NFAT5: variants seen among roughly 807,000 people sequenced by gnomAD.
The protein encoded by NFAT5 is nuclear factor of activated T cells 5, also known as nuclear factor of activated T-cells 5.
NFAT5 carries 31 observed loss-of-function variants against 166.5 expected under a neutral mutation model. The observed-to-expected ratio is 0.19, with a 90% confidence interval of 0.14 to 0.25. NFAT5 has a LOEUF of 0.25. Ranked by LOEUF, NFAT5 falls within the 10% of genes least tolerant of loss-of-function variation. The pLI is 1.00. For missense variants in NFAT5, 1,449 were observed against 1,821.8 expected (o/e 0.80, Z 3.72); for synonymous variants, 612 against 639.7 (o/e 0.96, Z 0.65).
chr16:69,589,286 G>A (rs931258317), intron 2 of NFAT5, among the ~76,000 whole-genome samples: 6 of 152,076 alleles, frequency 3.9e-5, no homozygotes, highest in East Asian at 3.8e-4. Context: ...GAGCCACCAC[G>A]CCCAGCCTCC....
intron 2 of NFAT5, among the ~76,000 whole-genome samples, chr16:69,602,228 C>T (rs1463453521): frequency 6.7e-6 from 1 of 150,274 alleles, no homozygotes. Context: ...TGTTATTTTC[C>T]TTTTCTAGAT....
In NFAT5 at chr16:69,698,263, A is replaced by G. The variant is rs890100396; in HGVS notation, c.*1912A>G. 8.5e-5 allele frequency: 13 copies of G among 152,464 alleles called. No homozygotes were observed. Among genetic ancestry groups the G allele is most frequent in the East Asian group, 1.9e-4 (1 of 5,178 alleles). 9.4% of individuals were successfully genotyped at this position (152,464 alleles called of 1,614,324 possible). On this transcript the variant is annotated 3_prime_UTR_variant, in exon 15 of 15. Transcript: ENST00000349945. The stretch of plus-strand genomic sequence containing the variant: ...TTTGAATACAGTTTTCAATCGTTCA[A>G]GTTTTGGATGGTTTATATCTAATGT...
At position 69,648,152 on chromosome 16, in the gene NFAT5, G is replaced by A. The variant is rs1342035977; in HGVS notation, c.812+566G>A. ...CATCACGCCACTGTACTCCAGCCTG[G>A]GCGACAAGAGCGAAACTCCATCTCA... On this transcript the variant is annotated intron_variant, in intron 4 of 14. Coordinates refer to ENST00000349945, the MANE Select transcript of NFAT5 (RefSeq NM_138713.4). 3 of 927,904 alleles carry A rather than the reference G, an allele frequency of 3.2e-6. No individual in the cohort carries two copies. In the East Asian group the frequency reaches 3.5e-4, roughly 109 times the overall value. The allele number at this position is 927,904 out of a possible 1,614,324, so 57.5% of individuals were successfully genotyped here.
At chr16:69,691,707 A>G in intron 12 of NFAT5, 42 bp from the exon 13 acceptor site, 1 of 1,478,332 alleles carries the variant, frequency 6.8e-7, no homozygotes, top group Non-Finnish European at 9.2e-7. Flanking sequence ...AACTTGTTTA[A>G]TGTTTATATA....
chr16:69,670,301 CTT>C lies in NFAT5; in HGVS notation c.1557+19_1557+20del, dbSNP rs3217435. 1.3e-6 allele frequency: 2 copies of C among 1,524,666 alleles called. No homozygotes were observed. The highest frequency in any genetic ancestry group is 2.0e-5 in the Admixed American group (1 of 51,250). The allele number at this position is 1,524,666 out of a possible 1,614,324, so 94.4% of individuals were successfully genotyped here. On this transcript the variant is annotated intron_variant, in intron 9 of 14. Transcript: ENST00000349945. The stretch of plus-strand genomic sequence containing the variant: ...ACTATTTCATCAGGTAAAATTTAAG[CTT>C]TTTTTATAATTTGGTTATTTACTCT...
chr16:69,576,291 C>CAAAAAA (rs35557444), intron 2 of NFAT5, among the ~76,000 whole-genome samples: 2 of 55,298 alleles, frequency 3.6e-5, no homozygotes, highest in Non-Finnish European at 3.9e-5. Context: ...GACTCGGTCT[C>CAAAAAA]AAAAAAAAAA....
intron 2 of NFAT5, among the ~76,000 whole-genome samples, chr16:69,604,316 G>A (rs1259959968): frequency 6.6e-6 from 1 of 152,116 alleles, no homozygotes; most frequent in Non-Finnish European, 1.5e-5. Flanking sequence ...TACCTTGTAG[G>A]TGCTCAATTG....
In NFAT5 at chr16:69,693,694, A is replaced by C; in HGVS notation, c.3869A>C (p.Asn1290Thr). 6.2e-7 allele frequency: 1 copy of C among 1,614,254 alleles called. No individual in the cohort carries two copies. The highest frequency in any genetic ancestry group is 8.5e-7 in the Non-Finnish European group (1 of 1,180,048). Residue 1290 changes from asparagine (N) to threonine (T), a missense_variant, in exon 13 of 15, where the codon AAT becomes ACT. Physicochemically the swap from Asn to Thr is moderately conservative, Grantham distance 65. Around this residue, in one of 7 missense-constraint regions of NFAT5, gnomAD observed 891 missense variants for 993.0 expected, o/e 0.90. Transcript: ENST00000349945. Reference protein sequence around the residue: ...QQQQQSILFSNQNTMATMASP... With the variant: ...QQQQQSILFSTQNTMATMASP... Reference sequence around the variant, plus strand: ...CAACAACAGAGCATTTTATTCAGTAATCAGAATACCATGGCTACAATGGCG... The same window carrying C: ...CAACAACAGAGCATTTTATTCAGTACTCAGAATACCATGGCTACAATGGCG...
chr16:69,692,609 G>A lies in NFAT5; in HGVS notation c.2784G>A (p.Gln928=). Reference sequence around the variant, plus strand: ...AGAGTATCTGCCAGGCAGCTGCCCAGATTCAGTCAGAGTTATTCCCTTCAA... The same window carrying A: ...AGAGTATCTGCCAGGCAGCTGCCCAAATTCAGTCAGAGTTATTCCCTTCAA... The part of the protein sequence containing the change: ...MQQSICQAAA[Q]IQSELFPSTA... Residue 928 remains glutamine, a synonymous_variant, in exon 13 of 15, where the codon CAG becomes CAA. Transcript: ENST00000349945. 6.2e-7 allele frequency: 1 copy of A among 1,614,230 alleles called. No individual in the cohort carries two copies. Among genetic ancestry groups the A allele is most frequent in the Non-Finnish European group, 8.5e-7 (1 of 1,180,038 alleles).
At chr16:69,613,644 T>C (rs2151560232) in intron 2 of NFAT5, among the ~76,000 whole-genome samples, 1 of 152,342 alleles carries the variant, frequency 6.6e-6, no homozygotes, top group African/African-American at 2.4e-5. Context: ...ATATTCAAGG[T>C]TGACTTCTGG....
chr16:69,688,213 A>AACAAAC (rs1567609338), intron 11 of NFAT5, among the ~76,000 whole-genome samples: 2 of 95,856 alleles, frequency 2.1e-5, no homozygotes, highest in Non-Finnish European at 2.2e-5. Context: ...AAAAAAAAAA[A>AACAAAC]AAAAAAAAAA....
intron 3 of NFAT5, among the ~76,000 whole-genome samples, chr16:69,637,980 G>A (rs2035039330): frequency 6.6e-6 from 1 of 152,024 alleles, no homozygotes. Context: ...CAGCATTTTG[G>A]GAGGCTGAGG....
chr16:69,692,682 A>G lies in NFAT5; in HGVS notation c.2857A>G (p.Thr953Ala). The change falls in exon 13 of 15, where the codon ACT (threonine) becomes GCT (alanine). Residue 953 changes from threonine to alanine, a missense_variant. Thr to Ala is a moderately conservative substitution (Grantham distance 58). Coordinates refer to ENST00000349945, the MANE Select transcript of NFAT5 (RefSeq NM_138713.4). Reference protein sequence around the residue: ...NLQQSPVYQQTSHMMSALSTN... With the variant: ...NLQQSPVYQQASHMMSALSTN... The stretch of plus-strand genomic sequence containing the variant: ...TCAGCAATCGCCAGTTTACCAGCAG[A>G]CTTCTCACATGATGAGTGCATTGTC... 2.5e-6 allele frequency: 4 copies of G among 1,614,232 alleles called. No individual in the cohort carries two copies. The highest frequency in any genetic ancestry group is 3.4e-6 in the Non-Finnish European group (4 of 1,180,044).
At chr16:69,640,756 C>T (rs796988739) in intron 3 of NFAT5, among the ~76,000 whole-genome samples, 1 of 151,580 alleles carries the variant, frequency 6.6e-6, no homozygotes, top group South Asian at 2.1e-4. Context: ...CTGAGGCAGG[C>T]GGATCAGCTG....
At chr16:69,676,584 G>A (rs2036842460) in intron 9 of NFAT5, among the ~76,000 whole-genome samples, 1 of 152,050 alleles carries the variant, frequency 6.6e-6, no homozygotes, top group African/African-American at 2.4e-5. Flanking sequence ...TTACAAGTGA[G>A]ACAGAGTGAA....
At chr16:69,677,969 A>T (rs1282021494) in intron 10 of NFAT5, among the ~76,000 whole-genome samples, 1 of 151,766 alleles carries the variant, frequency 6.6e-6, no homozygotes, top group Non-Finnish European at 1.5e-5. Context: ...GCTGGCCAAC[A>T]TGTTGAAACC....
chr16:69,600,166 A>G (rs2033050815), intron 2 of NFAT5, among the ~76,000 whole-genome samples: 1 of 151,966 alleles, frequency 6.6e-6, no homozygotes. Flanking sequence ...AAAAAAAACA[A>G]GATATTTCAG....
At chr16:69,587,242 A>G (rs1358322251) in intron 2 of NFAT5, among the ~76,000 whole-genome samples, 2 of 146,860 alleles carry the variant, frequency 1.4e-5, no homozygotes, top group African/African-American at 5.0e-5. Flanking sequence ...AATTTTTTGT[A>G]TTTTTTTTTT....
At position 69,647,557 on chromosome 16, in the gene NFAT5, C is replaced by T; in HGVS notation, c.783C>T (p.Asp261=). ...ATGTGCTTTCTCAGCTTACCACGGA[C>T]AACAAAGGCAACTCAAAAGCGGGAA... is the stretch of plus-strand genomic sequence containing the variant. The part of the protein sequence containing the change: ...PHYVLSQLTT[D]NKGNSKAGNG... The change falls in exon 4 of 15, where the codon GAC becomes GAT. Residue 261 remains aspartate (D), a synonymous_variant. Transcript: ENST00000349945. The surrounding 1 kb of genome is among the most constrained non-coding windows in gnomAD (Gnocchi z 4.8). 1 of 1,583,188 alleles carries T rather than the reference C, an allele frequency of 6.3e-7. No individual in the cohort carries two copies. The highest frequency in any genetic ancestry group is 1.1e-5 in the South Asian group (1 of 90,126).
Sources: allele counts gnomAD v4.1 joint callset (sites outside exome capture counted in the v4.1 genomes callset), GRCh38; gene constraint gnomAD v4.1.1; regional missense constraint gnomAD v4.1.1; non-coding constraint Gnocchi (gnomAD v3.1); transcripts MANE v1.5; gene names NCBI Gene and HGNC (gene_info 2026-07-23, HGNC 2026-07-21).